ARHGAP18: variants seen among roughly 807,000 people sequenced by gnomAD.
ARHGAP18 encodes Rho GTPase activating protein 18.
Under a neutral mutation model 86.2 loss-of-function variants are expected in ARHGAP18, and 67 were observed. The observed-to-expected ratio is 0.78, with a 90% CI of 0.64 to 0.95. The LOEUF (loss-of-function observed/expected upper bound fraction) is 0.95, where lower values mean the gene tolerates loss of function less well. ARHGAP18 is among the 40% of genes least tolerant of loss of function. The pLI is 0.00. For synonymous variants in ARHGAP18, 283 were observed against 280.4 expected, an observed-to-expected ratio of 1.01 and a Z score of -0.09; for missense variants, 691 against 780.4, an observed-to-expected ratio of 0.89 and a Z score of 1.37.
intron 1 of ARHGAP18, among the ~76,000 whole-genome samples, chr6:129,660,728 A>T (rs1469332653): frequency 6.6e-6 from 1 of 152,178 alleles, no homozygotes; most frequent in Non-Finnish European, 1.5e-5. Flanking sequence ...AATAGACAAG[A>T]ACTGATCTAG....
chr6:129,618,913 G>A, intron 5 of ARHGAP18, 61 bp from the exon 6 acceptor site: 2 of 1,465,612 alleles, frequency 1.4e-6, no homozygotes, highest in Non-Finnish European at 1.8e-6. Context: ...TTGTAATGCA[G>A]GAAGGAAAAA....
intron 1 of ARHGAP18, among the ~76,000 whole-genome samples, chr6:129,679,356 G>A (rs138920093): frequency 6.6e-6 from 1 of 152,080 alleles, no homozygotes; most frequent in African/African-American, 2.4e-5. Flanking sequence ...ATTTTTCCCT[G>A]GCAAGAACAT....
At chr6:129,661,023 A>T (rs1457960353) in intron 1 of ARHGAP18, among the ~76,000 whole-genome samples, 2 of 80,938 alleles carry the variant, frequency 2.5e-5, no homozygotes, top group African/African-American at 4.6e-5. Flanking sequence ...AAAACCTTTA[A>T]AAAAAAAAAA....
At chr6:129,616,693 AC>A (rs1339820972) in intron 6 of ARHGAP18, among the ~76,000 whole-genome samples, 2 of 152,136 alleles carry the variant, frequency 1.3e-5, no homozygotes, top group Non-Finnish European at 2.9e-5. Context: ...TATGTCTATA[AC>A]CCCAGCACTT....
chr6:129,683,759 G>C (rs1387610144), intron 1 of ARHGAP18, among the ~76,000 whole-genome samples: 5 of 152,166 alleles, frequency 3.3e-5, no homozygotes. Context: ...AAAGCAGCAA[G>C]GTGTATCTCT....
At chr6:129,692,712 A>G (rs891849431) in intron 1 of ARHGAP18, among the ~76,000 whole-genome samples, 1 of 152,204 alleles carries the variant, frequency 6.6e-6, no homozygotes, top group Admixed American at 6.5e-5. Flanking sequence ...GAAATCATCT[A>G]TTTATAAAAC....
chr6:129,603,665 A>T (rs777082516), intron 10 of ARHGAP18, among the ~76,000 whole-genome samples: 1 of 152,210 alleles, frequency 6.6e-6, no homozygotes, highest in African/African-American at 2.4e-5. Context: ...AAAAAAGATA[A>T]ATGTCAAGAA....
At chr6:129,693,355 G>A (rs1774559379) in intron 1 of ARHGAP18, among the ~76,000 whole-genome samples, 1 of 152,318 alleles carries the variant, frequency 6.6e-6, no homozygotes, top group East Asian at 1.9e-4. Flanking sequence ...TGGCAGTGGT[G>A]TTCTCAAAGC....
At chr6:129,661,232 A>G (rs1365563920) in intron 1 of ARHGAP18, among the ~76,000 whole-genome samples, 2 of 148,396 alleles carry the variant, frequency 1.3e-5, no homozygotes, top group Non-Finnish European at 3.0e-5. Flanking sequence ...ACACACCTGT[A>G]GTCCTAGCTT....
intron 12 of ARHGAP18, among the ~76,000 whole-genome samples, chr6:129,597,336 G>C (rs905128246): frequency 1.3e-5 from 2 of 151,956 alleles, no homozygotes; most frequent in Non-Finnish European, 2.9e-5. Flanking sequence ...AGGTTCCACT[G>C]TCTTGGCCAG....
In ARHGAP18 at chr6:129,709,489, A is replaced by G. The variant is rs1299052407; in HGVS notation, c.113+535T>C. Among the ~76,000 whole-genome samples, 4 of 152,210 alleles carry G rather than the reference A, an allele frequency of 2.6e-5. No homozygotes were observed. In the East Asian group the frequency reaches 5.8e-4, roughly 22 times the overall value. Reference sequence around the variant, plus strand: ...CCTGGGGGAAAAAAAATCCACATACACAAAAGAATGTGAAACATATTGCCA... The same window carrying G: ...CCTGGGGGAAAAAAAATCCACATACGCAAAAGAATGTGAAACATATTGCCA... On this transcript the variant is annotated intron_variant, in intron 1 of 14. Coordinates refer to ENST00000368149, the MANE Select transcript of ARHGAP18 (RefSeq NM_033515.3).
chr6:129,656,321 C>T (rs963218013), intron 1 of ARHGAP18, among the ~76,000 whole-genome samples: 1 of 152,182 alleles, frequency 6.6e-6, no homozygotes, highest in Non-Finnish European at 1.5e-5. Context: ...TAGGCAAGGA[C>T]AAGATGCCAA....
intron 4 of ARHGAP18, among the ~76,000 whole-genome samples, chr6:129,631,447 G>A (rs1363166328): frequency 1.3e-5 from 2 of 152,136 alleles, no homozygotes; most frequent in Non-Finnish European, 2.9e-5. Flanking sequence ...TCAAGTTGAA[G>A]CACAGCACAG....
Position 129,593,859 on chromosome 6 carries a change from C to T in ARHGAP18, c.1713+5357G>A, listed in dbSNP as rs190536524. On this transcript the variant is annotated intron_variant, in intron 12 of 14. Transcript: ENST00000368149. ...ATGCTGTAGTCACTAAAAACATTTG[C>T]CTCATGAGGTAAATTGAGTACATCT... 1.5e-4 allele frequency among the ~76,000 whole-genome samples: 23 copies of T among 152,294 alleles called. No homozygotes were observed. In the East Asian group the frequency reaches 3.7e-3, roughly 24 times the overall value.
chr6:129,650,899 T>C (rs1773697942), intron 1 of ARHGAP18, among the ~76,000 whole-genome samples: 1 of 152,214 alleles, frequency 6.6e-6, no homozygotes, highest in Non-Finnish European at 1.5e-5. Context: ...TCTGTGGGGC[T>C]GGAATAAGCT....
At position 129,677,347 on chromosome 6, in the gene ARHGAP18, C is replaced by G. The variant is rs147177676; in HGVS notation, c.113+32677G>C. Among the ~76,000 whole-genome samples, 451 of 151,816 alleles carry G rather than the reference C, an allele frequency of 3.0e-3. 2 individuals are homozygous for G. Among genetic ancestry groups the G allele is most frequent in the African/African-American group, 0.011 (435 of 41,342 alleles). On this transcript the variant is annotated intron_variant, in intron 1 of 14. Coordinates refer to ENST00000368149, the MANE Select transcript of ARHGAP18 (RefSeq NM_033515.3). ...GGCGGAGCTTGCAGTGAGCCGAGATCGCACCACTGCAGTCCGGCCCTGGCG... is the reference window on the plus strand; with the variant it reads ...GGCGGAGCTTGCAGTGAGCCGAGATGGCACCACTGCAGTCCGGCCCTGGCG...
chr6:129,635,187 T>C (rs1040828895), intron 3 of ARHGAP18, among the ~76,000 whole-genome samples: 1 of 152,210 alleles, frequency 6.6e-6, no homozygotes, highest in Non-Finnish European at 1.5e-5. Context: ...TTTAATAATA[T>C]TGATAATTCT....
intron 1 of ARHGAP18, among the ~76,000 whole-genome samples, chr6:129,683,550 A>G (rs543343502): frequency 5.3e-5 from 8 of 152,358 alleles, no homozygotes; most frequent in African/African-American, 1.9e-4. Flanking sequence ...TTTACGTATA[A>G]ACAACCAATA....
At chr6:129,599,657 CCT>C (rs1316237376) in intron 11 of ARHGAP18, among the ~76,000 whole-genome samples, 2 of 152,046 alleles carry the variant, frequency 1.3e-5, no homozygotes, top group Non-Finnish European at 2.9e-5. Context: ...CTGGAGACCC[CCT>C]GAGGTGACGA....
Sources: gnomAD v4.1 joint callset for allele counts (sites outside exome capture counted in the v4.1 genomes callset) on GRCh38, gnomAD v4.1.1 for gene constraint, MANE v1.5 for transcripts, NCBI Gene and HGNC (gene_info 2026-07-23, HGNC 2026-07-21) for gene names.